Variants in ANO4 observed in about 807,000 individuals in gnomAD.
The protein encoded by ANO4 is anoctamin 4, also known as anoctamin-4.
In ANO4, 69 loss-of-function variants were observed where a neutral mutation model predicts 141.9. The ratio of observed to expected loss-of-function variants is 0.49; its 90% CI spans 0.40 to 0.59. The LOEUF (loss-of-function observed/expected upper bound fraction) is 0.59. Ranked by LOEUF, ANO4 falls within the 20% of genes least tolerant of loss-of-function variation. The pLI, the probability that ANO4 is intolerant of heterozygous loss-of-function variation, is 0.00. For synonymous variants in ANO4, 350 were observed against 394.3 expected, an observed-to-expected ratio of 0.89 and a Z score of 1.33; for missense variants, 894 against 1,162.2, an observed-to-expected ratio of 0.77 and a Z score of 3.36.
intron 3 of ANO4, among the ~76,000 whole-genome samples, chr12:100,783,808 T>C (rs1037693136): frequency 1.3e-5 from 2 of 152,162 alleles, no homozygotes; most frequent in African/African-American, 4.8e-5. Flanking sequence ...TGATGTACCC[T>C]GGGTGTTGCT....
intron 1 of ANO4, among the ~76,000 whole-genome samples, chr12:100,900,631 TA>T (rs1470001875): frequency 6.6e-6 from 1 of 152,038 alleles, no homozygotes. Context: ...TATGCAGCCA[TA>T]AAAAAGGATG....
chr12:100,971,842 G>A (rs901442900), intron 6 of ANO4, among the ~76,000 whole-genome samples: 3 of 149,156 alleles, frequency 2.0e-5, no homozygotes, highest in Admixed American at 2.0e-4. Flanking sequence ...TCATGACAGT[G>A]TGATCTTCTT....
intron 1 of ANO4, among the ~76,000 whole-genome samples, chr12:100,874,903 G>T (rs960373977): frequency 3.3e-5 from 5 of 152,062 alleles, no homozygotes; most frequent in African/African-American, 1.2e-4. Context: ...CCTTTTGATT[G>T]GGTGTATTTC....
At chr12:100,971,485 A>G in intron 6 of ANO4, 79 bp downstream of exon 6, 1 of 1,068,584 alleles carries the variant, frequency 9.4e-7, no homozygotes, top group Non-Finnish European at 1.4e-6. Context: ...AGAACAAATA[A>G]AACTGAAATG....
At chr12:100,788,713 A>T (rs1369289541) in intron 3 of ANO4, among the ~76,000 whole-genome samples, 1 of 152,176 alleles carries the variant, frequency 6.6e-6, no homozygotes, top group Non-Finnish European at 1.5e-5. Flanking sequence ...TTGAGTGTGT[A>T]TTATGTTCTG....
chr12:100,816,432 T>TCTGAA (rs1464815732), intron 1 of ANO4, among the ~76,000 whole-genome samples: 1 of 151,928 alleles, frequency 6.6e-6, no homozygotes. Context: ...GGGAACAGCA[T>TCTGAA]ATTACAAAGG....
intron 3 of ANO4, among the ~76,000 whole-genome samples, chr12:100,936,324 G>A (rs1037452105): frequency 6.6e-6 from 1 of 152,134 alleles, no homozygotes; most frequent in Non-Finnish European, 1.5e-5. Context: ...CCTGTGCATT[G>A]TAGGATGTAT....
chr12:100,792,744 A>T (rs556820687), upstream of ANO4, among the ~76,000 whole-genome samples: 1 of 152,194 alleles, frequency 6.6e-6, no homozygotes, highest in African/African-American at 2.4e-5. Flanking sequence ...AATGCTGTGT[A>T]TTCAAGGTAT....
intron 5 of ANO4, among the ~76,000 whole-genome samples, chr12:100,964,496 G>A (rs148257982): frequency 2.0e-5 from 3 of 152,178 alleles, no homozygotes; most frequent in East Asian, 1.9e-4. Context: ...GCTTATCTGA[G>A]TTTCCAATTA....
At chr12:100,915,160 T>A (rs111575358) in intron 2 of ANO4, among the ~76,000 whole-genome samples, 9 of 152,094 alleles carry the variant, frequency 5.9e-5, no homozygotes, top group Non-Finnish European at 1.3e-4. Flanking sequence ...CTCAGTACTG[T>A]CTTAGGAACA....
intron 3 of ANO4, 60 bp from the exon 4 acceptor site, chr12:100,939,255 G>A: frequency 6.6e-7 from 1 of 1,523,390 alleles, no homozygotes; most frequent in Admixed American, 1.8e-5. Flanking sequence ...TTCTCTTTTA[G>A]CATTGCTTTC....
intron 9 of ANO4, among the ~76,000 whole-genome samples, chr12:101,032,583 A>G (rs1463856713): frequency 6.6e-6 from 1 of 152,260 alleles, no homozygotes; most frequent in African/African-American, 2.4e-5. Context: ...CAGAGGGCTA[A>G]TATCCAGAAT....
At chr12:101,005,014 G>A (rs2045812899) in intron 8 of ANO4, among the ~76,000 whole-genome samples, 1 of 152,160 alleles carries the variant, frequency 6.6e-6, no homozygotes, top group Non-Finnish European at 1.5e-5. Context: ...GAACAGCAGG[G>A]ACAGAGATGG....
chr12:100,979,296 G>T (rs2044343718), intron 7 of ANO4, among the ~76,000 whole-genome samples: 1 of 152,140 alleles, frequency 6.6e-6, no homozygotes, highest in Non-Finnish European at 1.5e-5. Flanking sequence ...TCAAACATGT[G>T]TCAGGATCAT....
intron 2 of ANO4, among the ~76,000 whole-genome samples, chr12:100,737,857 G>A (rs2031680845): frequency 6.6e-6 from 1 of 152,078 alleles, no homozygotes; most frequent in African/African-American, 2.4e-5. Context: ...TCACACAGAA[G>A]TGTCACATTT....
chr12:100,781,537 A>G (rs749707052), intron 3 of ANO4, among the ~76,000 whole-genome samples: 86 of 152,138 alleles, frequency 5.7e-4, no homozygotes, highest in Admixed American at 1.4e-3. Context: ...TAAGTCTGTA[A>G]TCATCCACCC....
chr12:100,904,727 C>T (rs1222313573), intron 2 of ANO4, among the ~76,000 whole-genome samples: 1 of 152,066 alleles, frequency 6.6e-6, no homozygotes, highest in Non-Finnish European at 1.5e-5. Context: ...AAAGGAAGCT[C>T]TTACAGGGTT....
Position 101,005,632 on chromosome 12 carries a change from T to C in ANO4, c.735-14402T>C, listed in dbSNP as rs114799260. Among the ~76,000 whole-genome samples the C allele has an allele frequency of 4.8e-3, 733 of 152,350 alleles. 10 individuals are homozygous for C. Among genetic ancestry groups the C allele is most frequent in the African/African-American group, 0.016 (676 of 41,584 alleles). On this transcript the variant is annotated intron_variant, in intron 8 of 27. Transcript: ENST00000392977. Reference sequence around the variant, plus strand: ...AATTGGAAATAATAAAAAATAGCCATATAATATTGTGAAAATTAACAACAC... The same window carrying C: ...AATTGGAAATAATAAAAAATAGCCACATAATATTGTGAAAATTAACAACAC...
intron 1 of ANO4, among the ~76,000 whole-genome samples, chr12:100,797,311 C>T (rs2034394147): frequency 6.9e-6 from 1 of 145,968 alleles, no homozygotes; most frequent in African/African-American, 2.6e-5. Context: ...TTCCCCACTT[C>T]CTAGACCCCA....
Sources: gnomAD v4.1 joint callset for allele counts (sites outside exome capture counted in the v4.1 genomes callset) on GRCh38, gnomAD v4.1.1 for gene constraint, MANE v1.5 for transcripts, NCBI Gene and HGNC (gene_info 2026-07-23, HGNC 2026-07-21) for gene names.